NDUFA10: variants seen among roughly 807,000 people sequenced by gnomAD.
The protein encoded by NDUFA10 is NADH dehydrogenase [ubiquinone] 1 alpha subcomplex subunit 10, mitochondrial.
Under a neutral mutation model 47.8 loss-of-function variants are expected in NDUFA10, and 40 were observed. The observed-to-expected ratio is 0.84, with a 90% confidence interval of 0.65 to 1.09. The LOEUF (loss-of-function observed/expected upper bound fraction) is 1.09. NDUFA10 is among the 50% of genes least tolerant of loss of function. NDUFA10 has a pLI of 0.00. For missense variants in NDUFA10, 413 were observed against 451.1 expected (o/e 0.92, Z 0.76); for synonymous variants, 183 against 172.2 (o/e 1.06, Z -0.49).
intron 4 of NDUFA10, among the ~76,000 whole-genome samples, chr2:239,916,115 A>G (rs1220278454): frequency 6.6e-6 from 1 of 152,006 alleles, no homozygotes; most frequent in Non-Finnish European, 1.5e-5. Flanking sequence ...CAGAGAACAC[A>G]CACATACATA....
chr2:239,962,891 C>T (rs112745496), intron 9 of NDUFA10, among the ~76,000 whole-genome samples: 2 of 152,248 alleles, frequency 1.3e-5, no homozygotes, highest in South Asian at 2.1e-4. Flanking sequence ...TCTGTGAGAA[C>T]ATACTAATTA....
intron 1 of NDUFA10, among the ~76,000 whole-genome samples, chr2:240,022,612 C>T (rs776760057): frequency 3.7e-4 from 50 of 135,578 alleles, no homozygotes; most frequent in Admixed American, 1.1e-3. Flanking sequence ...AATATGTTTA[C>T]TATGTTCAAT....
chr2:239,916,745 G>C (rs1693886623), intron 4 of NDUFA10, among the ~76,000 whole-genome samples: 1 of 152,246 alleles, frequency 6.6e-6, no homozygotes, highest in African/African-American at 2.4e-5. Flanking sequence ...TGGAAGGTGA[G>C]GGACAGGTGC....
At chr2:239,896,592 G>A (rs10933526) in intron 4 of NDUFA10, among the ~76,000 whole-genome samples, 1 of 152,212 alleles carries the variant, frequency 6.6e-6, no homozygotes, top group Non-Finnish European at 1.5e-5. Flanking sequence ...ATGCCAACTT[G>A]TTTGGCTCCT....
chr2:239,944,538 T>G lies in NDUFA10; in HGVS notation c.294+45536A>C, dbSNP rs955809721. ...TGAATTCAGGCCGGGTCTGGACAAGTGAGGAGGTGCACTTTCCTCCACATC... is the reference window on the plus strand; with the variant it reads ...TGAATTCAGGCCGGGTCTGGACAAGGGAGGAGGTGCACTTTCCTCCACATC... On this transcript the variant is annotated intron_variant, in intron 4 of 5. Coordinates refer to the NDUFA10 transcript ENST00000419408. 9.9e-5 allele frequency among the ~76,000 whole-genome samples: 15 copies of G among 152,094 alleles called. 1 individual carries two copies. Among genetic ancestry groups the G allele is most frequent in the African/African-American group, 3.1e-4 (13 of 41,424 alleles).
At chr2:239,924,989 A>C (rs1694044704) in intron 4 of NDUFA10, among the ~76,000 whole-genome samples, 1 of 152,162 alleles carries the variant, frequency 6.6e-6, no homozygotes, top group Admixed American at 6.5e-5. Context: ...CCTATGTATA[A>C]ATAAACATGC....
At chr2:240,011,841 A>C (rs1241528982) in intron 5 of NDUFA10, 145 bp from the exon 6 acceptor site, 19 of 720,762 alleles carry the variant, frequency 2.6e-5, no homozygotes, top group Non-Finnish European at 2.2e-5. Context: ...GGGTGACAGC[A>C]AAGGGTCCCA....
intron 5 of NDUFA10, chr2:240,012,035 A>G: frequency 2.9e-6 from 1 of 343,304 alleles, no homozygotes; most frequent in Non-Finnish European, 5.7e-6. Flanking sequence ...ATGAAAGAGC[A>G]CCAAAAATTG....
At chr2:240,022,942 T>C (rs1697694024) in intron 1 of NDUFA10, among the ~76,000 whole-genome samples, 2 of 152,202 alleles carry the variant, frequency 1.3e-5, no homozygotes, top group South Asian at 4.2e-4. Context: ...CAAATTTGAG[T>C]GTCGTCTTTG....
At chr2:239,908,088 T>C (rs886546358) in intron 4 of NDUFA10, among the ~76,000 whole-genome samples, 3 of 152,184 alleles carry the variant, frequency 2.0e-5, no homozygotes, top group Non-Finnish European at 2.9e-5. Context: ...TGAGTTCATG[T>C]CCTTTGTAGG....
At chr2:239,970,283 C>A (rs1695256464) in intron 9 of NDUFA10, among the ~76,000 whole-genome samples, 1 of 152,130 alleles carries the variant, frequency 6.6e-6, no homozygotes, top group Non-Finnish European at 1.5e-5. Flanking sequence ...AACTGTCAAC[C>A]TAGAATTCTA....
At chr2:239,924,343 A>C (rs1694036352) in intron 4 of NDUFA10, among the ~76,000 whole-genome samples, 1 of 152,084 alleles carries the variant, frequency 6.6e-6, no homozygotes, top group South Asian at 2.1e-4. Flanking sequence ...AAAGAATCAT[A>C]CCCCACAATC....
At chr2:239,997,255 G>A (rs571711641) in intron 8 of NDUFA10, among the ~76,000 whole-genome samples, 3 of 151,158 alleles carry the variant, frequency 2.0e-5, no homozygotes. Context: ...ATAAAACTAG[G>A]GTATACATCA....
chr2:240,009,194 C>G (rs1478222161), intron 6 of NDUFA10, among the ~76,000 whole-genome samples: 5 of 152,212 alleles, frequency 3.3e-5, no homozygotes, highest in Non-Finnish European at 7.3e-5. Flanking sequence ...AGTTACAAAA[C>G]TCGCTACATG....
chr2:239,900,068 C>T (rs1363125308), intron 4 of NDUFA10, among the ~76,000 whole-genome samples: 1 of 152,026 alleles, frequency 6.6e-6, no homozygotes, highest in East Asian at 1.9e-4. Context: ...CTTCATCTTT[C>T]TCCCGTGGTG....
At chr2:239,965,342 G>C (rs78236480) in intron 9 of NDUFA10, among the ~76,000 whole-genome samples, 1,755 of 152,202 alleles carry the variant, frequency 0.012, 30 homozygotes, top group African/African-American at 0.038. Flanking sequence ...CTCACACCAG[G>C]AAAATGCAAA....
At chr2:239,979,018 C>G (rs1296707834) in intron 9 of NDUFA10, among the ~76,000 whole-genome samples, 1 of 152,164 alleles carries the variant, frequency 6.6e-6, no homozygotes, top group East Asian at 1.9e-4. Flanking sequence ...AAGCTCCAAA[C>G]AGATTTCAGA....
At chr2:240,010,408 A>G (rs1019764278) in intron 6 of NDUFA10, among the ~76,000 whole-genome samples, 18 of 152,332 alleles carry the variant, frequency 1.2e-4, no homozygotes, top group Non-Finnish European at 7.4e-5. Flanking sequence ...TTGTAGCTAG[A>G]AACTCCATTT....
At chr2:239,914,395 A>T (rs1248556313) in intron 4 of NDUFA10, among the ~76,000 whole-genome samples, 1 of 151,438 alleles carries the variant, frequency 6.6e-6, no homozygotes, top group East Asian at 2.0e-4. Flanking sequence ...ACACACATAC[A>T]TACACAGACA....
Sources: gnomAD v4.1 joint callset for allele counts (sites outside exome capture counted in the v4.1 genomes callset) on GRCh38, gnomAD v4.1.1 for gene constraint, MANE v1.5 for transcripts, NCBI Gene and HGNC (gene_info 2026-07-23, HGNC 2026-07-21) for gene names.